PODN: variants seen among roughly 807,000 people sequenced by gnomAD.
The protein encoded by PODN is podocan, also known as podocan proteoglycan.
Under a neutral mutation model 52.7 loss-of-function variants are expected in PODN, and 40 were observed. That is an observed-to-expected ratio of 0.76 (90% CI 0.59 to 0.99). The LOEUF (loss-of-function observed/expected upper bound fraction) is 0.99, where lower values mean the gene tolerates loss of function less well. Among genes scored for constraint, PODN ranks in the 50% least tolerant of loss-of-function variants. PODN has a pLI of 0.00. For synonymous variants in PODN, 396 were observed against 377.9 expected (o/e 1.05, Z -0.56); for missense variants, 720 against 815.1 (o/e 0.88, Z 1.42).
intron 1 of PODN, chr1:53,066,676 G>C: frequency 1.5e-6 from 1 of 687,884 alleles, no homozygotes; most frequent in Admixed American, 2.7e-5. Context: ...TGGGCTGGGA[G>C]CTCAGCTTTG....
intron 5 of PODN, among the ~76,000 whole-genome samples, chr1:53,076,402 C>A (rs927498337): frequency 2.6e-5 from 4 of 152,184 alleles, no homozygotes; most frequent in Non-Finnish European, 5.9e-5. Flanking sequence ...CCTGCGTCTG[C>A]CATCTCAGTG....
chr1:53,066,054 G>A (rs978818713), intron 1 of PODN, among the ~76,000 whole-genome samples: 9 of 145,734 alleles, frequency 6.2e-5, no homozygotes, highest in African/African-American at 2.4e-4. Flanking sequence ...AGAGTGTAGG[G>A]GTGCGATCAC....
At chr1:53,081,883 A>G in intron 9 of PODN, 98 bp from the exon 10 acceptor site, 2 of 1,493,122 alleles carry the variant, frequency 1.3e-6, no homozygotes, top group Non-Finnish European at 1.8e-6. Flanking sequence ...CGGGAGGGCC[A>G]TTCCCTCCCC....
At chr1:53,079,093 T>C (rs1644246961) in intron 8 of PODN, 71 bp downstream of exon 8, 2 of 1,437,350 alleles carry the variant, frequency 1.4e-6, no homozygotes, top group African/African-American at 2.8e-5. Context: ...TGAGCCCACC[T>C]GTCTGAAGGG....
In PODN at chr1:53,082,730, C is replaced by G. The variant is rs186849179; in HGVS notation, c.*27+542C>G. Reference sequence around the variant, plus strand: ...ACACACATACATTCATGTGCACACACGTCTCAACATGTACACACATCCACA... The same window carrying G: ...ACACACATACATTCATGTGCACACAGGTCTCAACATGTACACACATCCACA... On this transcript the variant is annotated intron_variant, in intron 10 of 10. Coordinates refer to ENST00000312553, the MANE Select transcript of PODN (RefSeq NM_153703.5). Among the ~76,000 whole-genome samples the G allele has an allele frequency of 2.4e-3, 366 of 152,324 alleles. 1 individual carries two copies. Among genetic ancestry groups the G allele is most frequent in the Middle Eastern group, 0.017 (5 of 294 alleles).
Position 53,078,965 on chromosome 1 carries a change from C to A in PODN, c.1455C>A (p.Asn485Lys). The A allele has an allele frequency of 7.6e-6, 12 of 1,579,536 alleles. No individual in the cohort carries two copies. Among genetic ancestry groups the A allele is most frequent in the Non-Finnish European group, 1.0e-5 (12 of 1,163,316 alleles). The change falls in exon 8 of 11, where the codon AAC becomes AAA. Residue 485 changes from asparagine (N) to lysine (K), a missense_variant. Coordinates refer to ENST00000312553, the MANE Select transcript of PODN (RefSeq NM_153703.5). ...AQLRELYLTSNRLRSRALGPR... is the reference protein window; with the variant it reads ...AQLRELYLTSKRLRSRALGPR... ...TGCGTGAGCTGTACCTCACCAGCAACCGACTGCGCAGCCGAGCCCTGGGCC... is the reference window on the plus strand; with the variant it reads ...TGCGTGAGCTGTACCTCACCAGCAAACGACTGCGCAGCCGAGCCCTGGGCC...
At chr1:53,065,957 A>T (rs985631126) in intron 1 of PODN, among the ~76,000 whole-genome samples, 3 of 151,564 alleles carry the variant, frequency 2.0e-5, no homozygotes, top group Admixed American at 2.0e-4. Context: ...TGAGCCACAA[A>T]TGCAAGCCAC....
intron 1 of PODN, among the ~76,000 whole-genome samples, chr1:53,062,592 C>A (rs6694494): frequency 0.099 from 15,094 of 152,218 alleles, 1,448 homozygotes; most frequent in African/African-American, 0.21. Context: ...TGGAAAGAAT[C>A]TGAGGGCGGT....
In PODN at chr1:53,070,277, G is replaced by A. The variant is rs185795845; in HGVS notation, c.312+110G>A. ...ACTGTTCACCCAGAACCTCCAATAT[G>A]TGCGGCTCTCCACTCCCAACCACAG... On this transcript the variant is annotated intron_variant, in intron 2 of 10. Coordinates refer to ENST00000312553, the MANE Select transcript of PODN (RefSeq NM_153703.5). The A allele has an allele frequency of 1.2e-3, 1,801 of 1,515,328 alleles. 9 individuals carry two copies. The highest frequency in any genetic ancestry group is 8.1e-3 in the Middle Eastern group (39 of 4,844). The allele number at this position is 1,515,328 out of a possible 1,614,324, so 93.9% of individuals were successfully genotyped here.
chr1:53,064,829 G>A (rs1188198808), intron 1 of PODN, among the ~76,000 whole-genome samples: 1 of 152,192 alleles, frequency 6.6e-6, no homozygotes, highest in Non-Finnish European at 1.5e-5. Flanking sequence ...GCAGTAAAGT[G>A]GCTCATCCAG....
At chr1:53,075,827 C>T in intron 4 of PODN, 35 bp from the exon 5 acceptor site, 1 of 1,539,894 alleles carries the variant, frequency 6.5e-7, no homozygotes, top group South Asian at 1.2e-5. Flanking sequence ...TCTGCTCCTC[C>T]ATTGCTCTTT....
intron 3 of PODN, chr1:53,073,608 GA>G (rs1392260112): frequency 6.6e-6 from 1 of 152,134 alleles, no homozygotes; most frequent in Non-Finnish European, 1.5e-5. Context: ...ATTTTAAAAA[GA>G]TTTTTTTTTC....
chr1:53,063,607 G>C, intron 1 of PODN: 1 of 979,556 alleles, frequency 1.0e-6, no homozygotes. Context: ...AAGACCAGGG[G>C]GGACTGCTCT....
chr1:53,080,078 C>A (rs973713235), intron 8 of PODN, among the ~76,000 whole-genome samples: 2 of 151,954 alleles, frequency 1.3e-5, no homozygotes, highest in African/African-American at 4.8e-5. Context: ...AGGCACTGCC[C>A]AGTGGCTTCA....
intron 2 of PODN, among the ~76,000 whole-genome samples, chr1:53,070,515 G>A (rs987868366): frequency 4.6e-5 from 7 of 152,188 alleles, no homozygotes; most frequent in South Asian, 2.1e-4. Flanking sequence ...ACCATTACAC[G>A]GTCAGGAAAA....
Position 53,075,802 on chromosome 1 carries a change from G to A in PODN, c.472-60G>A, listed in dbSNP as rs1644185221. On this transcript the variant is annotated intron_variant, in intron 4 of 10. Transcript: ENST00000312553. ...GGCCCCGGTGGGCAGCAGGCAGTGG[G>A]ACCCACAGCTGGCCTCTGCTCCTCC... 4.2e-6 allele frequency: 6 copies of A among 1,413,550 alleles called. No individual in the cohort carries two copies. The African/African-American group carries it at 4.3e-5, about 10-fold the overall frequency. 87.6% of individuals were successfully genotyped at this position (1,413,550 alleles called of 1,614,324 possible).
intron 1 of PODN, chr1:53,063,240 G>GC: frequency 2.0e-6 from 1 of 498,832 alleles, no homozygotes; most frequent in South Asian, 8.5e-5. Flanking sequence ...AGGCGCGGCA[G>GC]CAAGGGGCGA....
intron 8 of PODN, 109 bp from the exon 9 acceptor site, chr1:53,080,619 A>G (rs1644281017): frequency 8.2e-7 from 1 of 1,221,978 alleles, no homozygotes; most frequent in Admixed American, 2.3e-5. Context: ...CCTCCTCCAC[A>G]CAGGGTTATT....
chr1:53,077,224 G>T lies in PODN; in HGVS notation c.616G>T (p.Ala206Ser). Residue 206 changes from alanine to serine, a missense_variant, in exon 6 of 11, where the codon GCC becomes TCC. Transcript: ENST00000312553. Reference sequence around the variant, plus strand: ...CCTGCACAACAACAAGCTGGCAGACGCCGGGCTGCCGGACAACATGTTCAA... The same window carrying T: ...CCTGCACAACAACAAGCTGGCAGACTCCGGGCTGCCGGACAACATGTTCAA... Reference protein sequence around the residue: ...VYLHNNKLADAGLPDNMFNGS... With the variant: ...VYLHNNKLADSGLPDNMFNGS... 1 of 1,613,416 alleles carries T rather than the reference G, an allele frequency of 6.2e-7. No homozygotes were observed. Among genetic ancestry groups the T allele is most frequent in the South Asian group, 1.1e-5 (1 of 91,084 alleles).
Sources: allele counts gnomAD v4.1 joint callset (sites outside exome capture counted in the v4.1 genomes callset), GRCh38; gene constraint gnomAD v4.1.1; transcripts MANE v1.5; gene names NCBI Gene and HGNC (gene_info 2026-07-23, HGNC 2026-07-21).